Variants in WDR1 observed in about 807,000 individuals in gnomAD.
WDR1 encodes WD repeat-containing protein 1.
In WDR1, 21 loss-of-function variants were observed where a neutral mutation model predicts 71.9. That is an observed-to-expected ratio of 0.29 (90% confidence interval 0.21 to 0.42). WDR1 has a LOEUF of 0.42. Among genes scored for constraint, WDR1 ranks in the 10% least tolerant of loss-of-function variants. The probability of loss-of-function intolerance (pLI) is 1.00; values close to 1 mark genes in which losing one functional copy is unlikely to be tolerated. For missense variants in WDR1, 696 were observed against 824.5 expected, an observed-to-expected ratio of 0.84 and a Z score of 1.91; for synonymous variants, 424 against 347.4, an observed-to-expected ratio of 1.22 and a Z score of -2.45.
Position 10,116,795 on chromosome 4 carries a change from G to C in WDR1, c.-129C>G. On this transcript the variant is annotated 5_prime_UTR_variant, in exon 1 of 15. Transcript: ENST00000499869. ...AGGCGGCACCGGGCGTGCCGGGAGT[G>C]GAGTGGGCGGTCCGAGGCCGGGGCT... The C allele has an allele frequency of 9.1e-7, 1 of 1,104,966 alleles. No homozygotes were observed. Among genetic ancestry groups the C allele is most frequent in the Non-Finnish European group, 1.1e-6 (1 of 878,624 alleles). 68.4% of individuals were successfully genotyped at this position (1,104,966 alleles called of 1,614,324 possible).
chr4:10,116,297 G>A (rs778229497), intron 1 of WDR1, 63 bp from the exon 2 acceptor site: 1 of 1,607,288 alleles, frequency 6.2e-7, no homozygotes, highest in Non-Finnish European at 8.5e-7. Flanking sequence ...GGACAGAAGG[G>A]AGAAGGAGCC....
At chr4:10,092,486 C>T in intron 5 of WDR1, 1 of 153,608 alleles carries the variant, frequency 6.5e-6, no homozygotes, top group Admixed American at 6.4e-5. Context: ...CTGCCGACGC[C>T]TCCCACAGGC....
intron 2 of WDR1, among the ~76,000 whole-genome samples, chr4:10,112,245 G>A (rs1318523250): frequency 6.6e-6 from 1 of 152,096 alleles, no homozygotes; most frequent in African/African-American, 2.4e-5. Flanking sequence ...TGCAGGCAGG[G>A]TAAGGAAACT....
chr4:10,110,105 G>A lies in WDR1; in HGVS notation c.138+6008C>T, dbSNP rs1037711393. On this transcript the variant is annotated intron_variant, in intron 2 of 14. Coordinates refer to ENST00000499869, the MANE Select transcript of WDR1 (RefSeq NM_017491.5). ...TGGATTGGACAGTGGGGCGGGGGTA[G>A]GGGTGGGATGCTGGCCTTTCCCTGG... 7.9e-5 allele frequency among the ~76,000 whole-genome samples: 12 copies of A among 152,066 alleles called. No homozygotes were observed. The South Asian group carries it at 1.2e-3, about 16-fold the overall frequency.
At chr4:10,098,102 G>A (rs1357778723) in intron 4 of WDR1, among the ~76,000 whole-genome samples, 1 of 152,052 alleles carries the variant, frequency 6.6e-6, no homozygotes, top group Admixed American at 6.5e-5. Flanking sequence ...ACAAGATGGG[G>A]CAAGCCGGCG....
In WDR1 at chr4:10,075,117, T is replaced by C. The variant is rs547036100; in HGVS notation, c.*261A>G. On this transcript the variant is annotated 3_prime_UTR_variant, in exon 15 of 15. Coordinates refer to ENST00000499869, the MANE Select transcript of WDR1 (RefSeq NM_017491.5). ...AATGTTTCGCATTCTCAAGGTTTGGTTGGGCTGTGGGTTTTAGTTATGCTC... is the reference window on the plus strand; with the variant it reads ...AATGTTTCGCATTCTCAAGGTTTGGCTGGGCTGTGGGTTTTAGTTATGCTC... The C allele has an allele frequency of 1.3e-3, 630 of 470,642 alleles. 15 individuals carry two copies. The South Asian group carries it at 0.027, about 20-fold the overall frequency. 29.2% of individuals were successfully genotyped at this position (470,642 alleles called of 1,614,324 possible).
At chr4:10,078,739 C>T in intron 12 of WDR1, 152 bp downstream of exon 12, 1 of 622,502 alleles carries the variant, frequency 1.6e-6, no homozygotes, top group Non-Finnish European at 2.7e-6. Context: ...CGTGGCTGGG[C>T]CCCAGAGCAG....
intron 3 of WDR1, among the ~76,000 whole-genome samples, chr4:10,103,289 GACA>G (rs1712814680): frequency 3.4e-5 from 5 of 146,914 alleles, no homozygotes; most frequent in Admixed American, 3.4e-4. Flanking sequence ...CACACACACA[GACA>G]CACACACACA....
chr4:10,079,205 G>C (rs1252353658), intron 11 of WDR1, among the ~76,000 whole-genome samples: 6 of 152,238 alleles, frequency 3.9e-5, no homozygotes, highest in Non-Finnish European at 7.3e-5. Flanking sequence ...GTCAGGTGGG[G>C]CAGGAAACAC....
At chr4:10,075,789 G>A in intron 14 of WDR1, 1 of 491,890 alleles carries the variant, frequency 2.0e-6, no homozygotes, top group Non-Finnish European at 3.7e-6. Flanking sequence ...AGTTCCACAG[G>A]AGTGAAATAA....
chr4:10,075,628 G>C, intron 14 of WDR1, 144 bp from the exon 15 acceptor site: 2 of 732,204 alleles, frequency 2.7e-6, no homozygotes, highest in Non-Finnish European at 2.3e-6. Context: ...TCAGGAGCCT[G>C]GCACGGTGGC....
intron 3 of WDR1, 31 bp from the exon 4 acceptor site, chr4:10,099,170 GAGGCGGTGGTGGGGTAAA>G: frequency 1.2e-6 from 1 of 802,002 alleles, no homozygotes; most frequent in Non-Finnish European, 2.0e-6. Context: ...GGGAGGGGGG[GAGGCGGTGGTGGGGTAAA>G]GGGCAGGGGG....
chr4:10,095,819 C>T (rs952320583), intron 5 of WDR1: 4 of 152,300 alleles, frequency 2.6e-5, no homozygotes, highest in Non-Finnish European at 4.4e-5. Flanking sequence ...GCATGACTCA[C>T]CCGAGGGGGG....
rs1711668946 is a variant in WDR1, at chr4:10,087,616, T to G, written c.951+91A>C. Reference sequence around the variant, plus strand: ...TGAGGACACCTCTCTAGCTTCCACCTGGCTTCCCCTCGGTTCCCCTTCCTT... The same window carrying G: ...TGAGGACACCTCTCTAGCTTCCACCGGGCTTCCCCTCGGTTCCCCTTCCTT... On this transcript the variant is annotated intron_variant, in intron 8 of 14. Coordinates refer to ENST00000499869, the MANE Select transcript of WDR1 (RefSeq NM_017491.5). The G allele has an allele frequency of 3.9e-6, 5 of 1,283,322 alleles. No homozygotes were observed. In the South Asian group the frequency reaches 6.1e-5, roughly 16 times the overall value. 79.5% of individuals were successfully genotyped at this position (1,283,322 alleles called of 1,614,324 possible).
Position 10,087,743 on chromosome 4 carries a change from G to A in WDR1, c.915C>T (p.Asp305=). The stretch of plus-strand genomic sequence containing the variant: ...GCAGGGGCTTGCTGGGGTTGTTTCT[G>A]TCCAGATAGTTGATGTACCCGGACA... ...VSLSGYINYL[D]RNNPSKPLHV... is the part of the protein sequence containing the mutation. Residue 305 remains aspartate, a synonymous_variant, in exon 8 of 15, where the codon GAC becomes GAT. Coordinates refer to ENST00000499869, the MANE Select transcript of WDR1 (RefSeq NM_017491.5). 1 of 1,601,844 alleles carries A rather than the reference G, an allele frequency of 6.2e-7. No homozygotes were observed. The highest frequency in any genetic ancestry group is 8.5e-7 in the Non-Finnish European group (1 of 1,173,916).
At chr4:10,087,237 C>A (rs903513662) in intron 8 of WDR1, among the ~76,000 whole-genome samples, 9 of 152,246 alleles carry the variant, frequency 5.9e-5, no homozygotes, top group African/African-American at 2.2e-4. Context: ...CTCCAGGCAG[C>A]GCCAAGGCCC....
intron 14 of WDR1, chr4:10,076,138 G>A (rs1764791958): frequency 6.5e-6 from 1 of 152,788 alleles, no homozygotes; most frequent in Non-Finnish European, 1.5e-5. Context: ...CCAGGTCCGG[G>A]TGGCCCCCAG....
At chr4:10,107,874 C>A (rs943896173) in intron 2 of WDR1, among the ~76,000 whole-genome samples, 8 of 152,188 alleles carry the variant, frequency 5.3e-5, no homozygotes, top group African/African-American at 1.4e-4. Context: ...GGGCCTGGTT[C>A]AAGGCCCAGT....
chr4:10,109,924 C>T (rs183584113), intron 2 of WDR1, among the ~76,000 whole-genome samples: 217 of 152,350 alleles, frequency 1.4e-3, no homozygotes, highest in Admixed American at 3.4e-3. Flanking sequence ...AGATGCTTTA[C>T]GAATTAGCTC....
Sources: allele counts gnomAD v4.1 joint callset (sites outside exome capture counted in the v4.1 genomes callset), GRCh38; gene constraint gnomAD v4.1.1; transcripts MANE v1.5; gene names NCBI Gene and HGNC (gene_info 2026-07-23, HGNC 2026-07-21).